Variants in FSTL4 observed in about 807,000 individuals in gnomAD.
FSTL4 encodes the protein follistatin like 4.
In FSTL4, 28 loss-of-function variants were observed where a neutral mutation model predicts 78.2. The observed-to-expected ratio is 0.36, with a 90% CI of 0.27 to 0.49. The LOEUF is 0.49. Among genes scored for constraint, FSTL4 ranks in the 20% least tolerant of loss-of-function variants. FSTL4 has a pLI of 0.98. For synonymous variants in FSTL4, 422 were observed against 440.5 expected (o/e 0.96, Z 0.53); for missense variants, 922 against 1,084.9 (o/e 0.85, Z 2.11).
the FSTL4 span, among the ~76,000 whole-genome samples, chr5:133,744,129 C>T: frequency 3.3e-5 from 5 of 152,208 alleles, no homozygotes; most frequent in South Asian, 6.2e-4. Flanking sequence ...TTCCTTCATG[C>T]TTTAAAGCCA....
chr5:133,744,775 C>T, the FSTL4 span, among the ~76,000 whole-genome samples: 54 of 152,224 alleles, frequency 3.5e-4, no homozygotes, highest in African/African-American at 1.2e-3. Context: ...GTCGGTGGGA[C>T]GTGGGAACTC....
chr5:133,464,297 C>G (rs774938277), intron 3 of FSTL4, among the ~76,000 whole-genome samples: 3 of 152,232 alleles, frequency 2.0e-5, no homozygotes, highest in Non-Finnish European at 4.4e-5. Flanking sequence ...AACTTGAAGG[C>G]TGCTACATTT....
rs562274496 is a variant in FSTL4, at chr5:133,309,188, G to T, written c.727+3466C>A. On this transcript the variant is annotated intron_variant, in intron 6 of 15. Coordinates refer to ENST00000265342, the MANE Select transcript of FSTL4 (RefSeq NM_015082.2). ...TTGCTTATGGTGACCCTGGAGCCTGGGTCTCTGCCATGGCAGGGACAGGTG... is the reference window on the plus strand; with the variant it reads ...TTGCTTATGGTGACCCTGGAGCCTGTGTCTCTGCCATGGCAGGGACAGGTG... Among the ~76,000 whole-genome samples, 4 of 152,076 alleles carry T rather than the reference G, an allele frequency of 2.6e-5. No homozygotes were observed. In the South Asian group the frequency reaches 6.2e-4, roughly 24 times the overall value.
chr5:133,714,291 A>G, the FSTL4 span, among the ~76,000 whole-genome samples: 1 of 152,192 alleles, frequency 6.6e-6, no homozygotes, highest in African/African-American at 2.4e-5. Flanking sequence ...AGCCCTTTCT[A>G]CAAACCAGGC....
At chr5:133,796,471 G>A in the FSTL4 span, among the ~76,000 whole-genome samples, 1 of 152,196 alleles carries the variant, frequency 6.6e-6, no homozygotes, top group Non-Finnish European at 1.5e-5. Context: ...ATGAATGCAG[G>A]AGTTGTATTG....
chr5:133,624,156 G>A, the FSTL4 span, among the ~76,000 whole-genome samples: 3,113 of 151,910 alleles, frequency 0.02, 105 homozygotes, highest in African/African-American at 0.069. Flanking sequence ...ATGAATGTTC[G>A]CAGCAGCAAT....
intron 2 of FSTL4, among the ~76,000 whole-genome samples, chr5:133,596,866 G>C (rs1473808546): frequency 6.6e-6 from 1 of 152,228 alleles, no homozygotes; most frequent in Admixed American, 6.5e-5. Context: ...CCTGGCAGGA[G>C]TAAAACAAGG....
At chr5:133,498,826 C>T (rs1758425946) in intron 3 of FSTL4, among the ~76,000 whole-genome samples, 1 of 152,024 alleles carries the variant, frequency 6.6e-6, no homozygotes, top group Non-Finnish European at 1.5e-5. Flanking sequence ...TCAATCCACA[C>T]CAACTCACTC....
intron 3 of FSTL4, among the ~76,000 whole-genome samples, chr5:133,564,431 G>A (rs1035124450): frequency 2.0e-5 from 3 of 152,174 alleles, no homozygotes; most frequent in African/African-American, 4.8e-5. Flanking sequence ...TGCCTCACTT[G>A]TATATTACTG....
chr5:133,789,720 G>C, the FSTL4 span, among the ~76,000 whole-genome samples: 2 of 152,160 alleles, frequency 1.3e-5, no homozygotes, highest in African/African-American at 4.8e-5. Context: ...GGTTCTGGCT[G>C]ATTCAATTTC....
At chr5:133,258,113 C>A (rs1426001469) in intron 6 of FSTL4, among the ~76,000 whole-genome samples, 3 of 152,182 alleles carry the variant, frequency 2.0e-5, no homozygotes. Context: ...TTCCTGTGCA[C>A]TCATTATGAC....
the FSTL4 span, among the ~76,000 whole-genome samples, chr5:133,625,786 C>T: frequency 2.8e-3 from 3 of 1,074 alleles, no homozygotes; most frequent in Non-Finnish European, 3.9e-3. Context: ...ATATATATTC[C>T]ATATATATAT....
intron 4 of FSTL4, among the ~76,000 whole-genome samples, chr5:133,368,141 TG>T (rs1327832807): frequency 6.6e-6 from 1 of 152,244 alleles, no homozygotes; most frequent in East Asian, 1.9e-4. Context: ...CTGGGGGCTT[TG>T]GGCCATGACA....
chr5:133,772,799 T>C, the FSTL4 span, among the ~76,000 whole-genome samples: 28 of 152,172 alleles, frequency 1.8e-4, no homozygotes, highest in Admixed American at 8.5e-4. Context: ...TTAAAGGTAC[T>C]ACTTCTCAAC....
At chr5:133,297,960 G>A (rs1359445515) in intron 6 of FSTL4, among the ~76,000 whole-genome samples, 1 of 152,198 alleles carries the variant, frequency 6.6e-6, no homozygotes, top group Non-Finnish European at 1.5e-5. Context: ...CCAAGTTTGA[G>A]GCACCCAAGG....
intron 3 of FSTL4, among the ~76,000 whole-genome samples, chr5:133,406,986 T>C (rs1174775845): frequency 6.6e-6 from 1 of 152,350 alleles, no homozygotes. Flanking sequence ...GCTGGTGATA[T>C]GGTCTCTGCT....
At chr5:133,391,091 A>C (rs976393169) in intron 4 of FSTL4, among the ~76,000 whole-genome samples, 1 of 152,192 alleles carries the variant, frequency 6.6e-6, no homozygotes, top group Non-Finnish European at 1.5e-5. Flanking sequence ...GTGGGCATAA[A>C]ACACTTTGAG....
chr5:133,836,846 G>A, the FSTL4 span, among the ~76,000 whole-genome samples: 5 of 152,096 alleles, frequency 3.3e-5, no homozygotes, highest in African/African-American at 4.8e-5. Context: ...AAGGAAATTT[G>A]TCCTTTTTTC....
chr5:133,577,440 G>A (rs562380879), intron 2 of FSTL4, among the ~76,000 whole-genome samples: 1 of 152,214 alleles, frequency 6.6e-6, no homozygotes, highest in African/African-American at 2.4e-5. Context: ...CTGGTAGATG[G>A]GCTTACTGCC....
Sources: allele counts gnomAD v4.1 joint callset (sites outside exome capture counted in the v4.1 genomes callset), GRCh38; gene constraint gnomAD v4.1.1; transcripts MANE v1.5; gene names NCBI Gene and HGNC (gene_info 2026-07-23, HGNC 2026-07-21).